TAB2: variants seen among roughly 807,000 people sequenced by gnomAD.
The protein encoded by TAB2 is TGF-beta activated kinase 1 (MAP3K7) binding protein 2.
A neutral mutation model predicts 65.0 loss-of-function variants in TAB2; 3 were observed. The ratio of observed to expected loss-of-function variants is 0.05; its 90% CI spans 0.02 to 0.12. TAB2 has a LOEUF of 0.12. Among genes scored for constraint, TAB2 ranks in the 10% least tolerant of loss-of-function variants. TAB2 has a pLI of 1.00. For missense variants in TAB2, 623 were observed against 840.3 expected (o/e 0.74, Z 3.20); for synonymous variants, 298 against 285.1 (o/e 1.05, Z -0.46).
intron 1 of TAB2, among the ~76,000 whole-genome samples, chr6:149,326,058 A>G (rs1338272442): frequency 6.6e-6 from 1 of 152,214 alleles, no homozygotes; most frequent in Non-Finnish European, 1.5e-5. Flanking sequence ...AACAGCAGCT[A>G]TAGCAATGGT....
At position 149,366,139 on chromosome 6, in the gene TAB2, T is replaced by C. The variant is rs1562436008; in HGVS notation, c.-89-3770T>C. 3.3e-5 allele frequency among the ~76,000 whole-genome samples: 5 copies of C among 152,148 alleles called. No homozygotes were observed. The South Asian group carries it at 1.0e-3, about 32-fold the overall frequency. On this transcript the variant is annotated intron_variant, in intron 1 of 6. Coordinates refer to ENST00000637181, the MANE Select transcript of TAB2 (RefSeq NM_001292034.3). ...GAGTATGGGTCAGTTTTTTTCTGTT[T>C]ATGTGTAACAATTTTGGATTTTATT...
chr6:149,333,622 C>G (rs916571596), intron 1 of TAB2, among the ~76,000 whole-genome samples: 1 of 152,038 alleles, frequency 6.6e-6, no homozygotes, highest in Non-Finnish European at 1.5e-5. Flanking sequence ...CAAAAATACC[C>G]TTAGCCCTTA....
Position 149,378,714 on chromosome 6 carries a change from C to G in TAB2, c.799C>G (p.His267Asp). ...TTGTCCTGCATCTAATCCTCTGTCA[C>G]ATACCTCATCTCAACAGCCAAATCA... ...TTCPASNPLS[H>D]TSSQQPNQQG... Residue 267 changes from histidine (H) to aspartate (D), a missense_variant, in exon 3 of 7, where the codon CAT (histidine) becomes GAT (aspartate). Transcript: ENST00000637181. 6.2e-7 allele frequency: 1 copy of G among 1,614,098 alleles called. No individual in the cohort carries two copies. Among genetic ancestry groups the G allele is most frequent in the South Asian group, 1.1e-5 (1 of 91,084 alleles).
chr6:149,390,152 T>G (rs959617735), intron 3 of TAB2, among the ~76,000 whole-genome samples: 1 of 152,230 alleles, frequency 6.6e-6, no homozygotes, highest in Non-Finnish European at 1.5e-5. Context: ...ATAAAACAGA[T>G]GTGATTCCTG....
intron 1 of TAB2, among the ~76,000 whole-genome samples, chr6:149,240,100 A>C (rs951021842): frequency 1.3e-5 from 2 of 152,194 alleles, no homozygotes; most frequent in Non-Finnish European, 2.9e-5. Context: ...GGTAGCGCCA[A>C]ACTGCCCCGT....
chr6:149,283,821 T>C (rs908893683), intron 1 of TAB2, among the ~76,000 whole-genome samples: 1 of 152,162 alleles, frequency 6.6e-6, no homozygotes, highest in South Asian at 2.1e-4. Context: ...GGGACTCTGG[T>C]TTATAATTAC....
At chr6:149,238,632 G>A (rs1290583984) in intron 1 of TAB2, among the ~76,000 whole-genome samples, 1 of 152,162 alleles carries the variant, frequency 6.6e-6, no homozygotes, top group Non-Finnish European at 1.5e-5. Flanking sequence ...TGTCCACCAC[G>A]ATACTTAACA....
rs369760940 is a variant in TAB2, at chr6:149,360,051, T to C, written c.-89-9858T>C. Among the ~76,000 whole-genome samples the C allele has an allele frequency of 4.6e-5, 7 of 152,230 alleles. No individual in the cohort carries two copies. The East Asian group carries it at 9.6e-4, about 21-fold the overall frequency. On this transcript the variant is annotated intron_variant, in intron 1 of 6. Coordinates refer to ENST00000637181, the MANE Select transcript of TAB2 (RefSeq NM_001292034.3). ...GATACCAGTAATAAATCCAGCTCTA[T>C]AGTTTGTATACTCCGTTTCCTAATC...
chr6:149,230,528 T>C (rs750768150), intron 1 of TAB2, among the ~76,000 whole-genome samples: 4 of 152,214 alleles, frequency 2.6e-5, no homozygotes. Flanking sequence ...ATAATAGATA[T>C]CTCCTAGGTC....
intron 1 of TAB2, among the ~76,000 whole-genome samples, chr6:149,250,052 G>A (rs183612197): frequency 6.6e-6 from 1 of 152,160 alleles, no homozygotes; most frequent in African/African-American, 2.4e-5. Context: ...GGGAGAGGAG[G>A]CAACATAGCA....
intron 1 of TAB2, among the ~76,000 whole-genome samples, chr6:149,296,818 C>T (rs73609050): frequency 0.023 from 3,475 of 152,242 alleles, 110 homozygotes; most frequent in African/African-American, 0.075. Flanking sequence ...CCAAGGTCAC[C>T]TGACTATTAA....
chr6:149,340,114 G>A (rs1040596123), intron 1 of TAB2, among the ~76,000 whole-genome samples: 2 of 151,962 alleles, frequency 1.3e-5, no homozygotes, highest in Admixed American at 6.6e-5. Context: ...TCTATGATTC[G>A]GAATCTTTTA....
At chr6:149,277,912 T>C (rs757363567) in intron 1 of TAB2, among the ~76,000 whole-genome samples, 49 of 152,066 alleles carry the variant, frequency 3.2e-4, no homozygotes, top group Non-Finnish European at 5.9e-4. Flanking sequence ...TTTAGAGACA[T>C]GATTTGTGAC....
At chr6:149,299,430 G>C (rs1161450505) in intron 1 of TAB2, among the ~76,000 whole-genome samples, 1 of 152,170 alleles carries the variant, frequency 6.6e-6, no homozygotes, top group Admixed American at 6.5e-5. Flanking sequence ...AAATTAGCCA[G>C]GCGTGGTGGT....
intron 1 of TAB2, among the ~76,000 whole-genome samples, chr6:149,293,032 T>C (rs964819737): frequency 1.3e-5 from 2 of 148,870 alleles, no homozygotes; most frequent in Non-Finnish European, 3.0e-5. Context: ...GAGTTTCCCG[T>C]TGAGCTTTGC....
At chr6:149,292,859 T>C (rs895238077) in intron 1 of TAB2, among the ~76,000 whole-genome samples, 3 of 152,242 alleles carry the variant, frequency 2.0e-5, no homozygotes, top group African/African-American at 7.2e-5. Flanking sequence ...TTCCTTTGTT[T>C]TTCATTAATA....
chr6:149,221,629 A>T (rs1194516168), intron 1 of TAB2, among the ~76,000 whole-genome samples: 1 of 152,174 alleles, frequency 6.6e-6, no homozygotes, highest in Admixed American at 6.5e-5. Flanking sequence ...TGAAACACTT[A>T]ACGCACTCTC....
intron 1 of TAB2, among the ~76,000 whole-genome samples, chr6:149,272,667 C>T (rs905389298): frequency 2.0e-5 from 3 of 152,144 alleles, no homozygotes; most frequent in African/African-American, 7.2e-5. Context: ...TTAATCACAC[C>T]CACAAAGTCC....
At chr6:149,386,078 C>T (rs910682239) in intron 3 of TAB2, among the ~76,000 whole-genome samples, 5 of 152,046 alleles carry the variant, frequency 3.3e-5, no homozygotes, top group Admixed American at 6.6e-5. Context: ...CATACACATA[C>T]GTGTGTGTAT....
Sources: gnomAD v4.1 joint callset for allele counts (sites outside exome capture counted in the v4.1 genomes callset) on GRCh38, gnomAD v4.1.1 for gene constraint, MANE v1.5 for transcripts, NCBI Gene and HGNC (gene_info 2026-07-23, HGNC 2026-07-21) for gene names.